RRN3: variants seen among roughly 807,000 people sequenced by gnomAD.
The protein encoded by RRN3 is RNA polymerase I transcription factor RRN3.
RRN3 carries 38 observed loss-of-function variants against 82.3 expected under a neutral mutation model. The ratio of observed to expected loss-of-function variants is 0.46; its 90% CI spans 0.36 to 0.61. The LOEUF (loss-of-function observed/expected upper bound fraction) is 0.61, where lower values mean the gene tolerates loss of function less well. RRN3 is among the 20% of genes least tolerant of loss of function. The pLI is 0.00. For synonymous variants in RRN3, 284 were observed against 284.3 expected (o/e 1.00, Z 0.01); for missense variants, 726 against 793.1 (o/e 0.92, Z 1.02).
rs1438321715 is a variant in RRN3 at position 15,074,693 on chromosome 16, G to A, written c.997+30C>T. 5 of 1,577,912 alleles carry A rather than the reference G, an allele frequency of 3.2e-6. No individual in the cohort carries two copies. In the South Asian group the frequency reaches 5.7e-5, roughly 18 times the overall value. ...GCACAAAGCCAGGTACACTGCAGGT[G>A]TTCAATAAACAGTAGCTACTGTGAT... On this transcript the variant is annotated intron_variant, in intron 11 of 17. Transcript: ENST00000198767.
intron 17 of RRN3, among the ~76,000 whole-genome samples, chr16:15,062,721 T>A (rs1166949078): frequency 6.6e-6 from 1 of 152,250 alleles, no homozygotes; most frequent in East Asian, 1.9e-4. Context: ...TCAGCTAATT[T>A]GTAATTAACC....
Position 15,072,753 on chromosome 16 carries a change from G to A in RRN3, c.1128+197C>T, listed in dbSNP as rs534098683. 1.3e-4 allele frequency among the ~76,000 whole-genome samples: 20 copies of A among 152,270 alleles called. 1 individual carries two copies. In the South Asian group the frequency reaches 4.1e-3, roughly 32 times the overall value. The stretch of plus-strand genomic sequence containing the variant: ...GGAGGTTGCAGCAGTGGGCAGCAGA[G>A]CGAGACTGTGTCTCAAAAAAGAAAG... On this transcript the variant is annotated intron_variant, in intron 12 of 17. Transcript: ENST00000198767.
chr16:15,073,883 G>A (rs1402657025), intron 11 of RRN3, among the ~76,000 whole-genome samples: 2 of 152,006 alleles, frequency 1.3e-5, no homozygotes, highest in Non-Finnish European at 2.9e-5. Flanking sequence ...TGGCCTAAGT[G>A]CTGGGATTCA....
chr16:15,083,656 T>G (rs950969850), intron 7 of RRN3, 74 bp from the exon 8 acceptor site: 11 of 1,567,508 alleles, frequency 7.0e-6, no homozygotes, highest in Middle Eastern at 2.3e-4. Context: ...AAACTACCAT[T>G]CTAAAAGCAA....
Position 15,092,596 on chromosome 16 carries a change from T to C in RRN3, c.108A>G (p.Ala36=), listed in dbSNP as rs1247429990. The change falls in exon 2 of 18, where the codon GCA becomes GCG. Residue 36 remains alanine, a synonymous_variant. Transcript: ENST00000198767. ...GAGAATTGAAAAAGTCATTCTCTAATGCACGCATATTTGAAATCCTGTGGA... is the reference window on the plus strand; with the variant it reads ...GAGAATTGAAAAAGTCATTCTCTAACGCACGCATATTTGAAATCCTGTGGA... ...ASRTGISNMR[A]LENDFFNSPP... is the part of the protein sequence containing the mutation. The C allele has an allele frequency of 1.6e-5, 25 of 1,610,620 alleles. No homozygotes were observed. The highest frequency in any genetic ancestry group is 2.0e-5 in the Non-Finnish European group (24 of 1,177,130).
chr16:15,076,849 C>A (rs2045477971), intron 9 of RRN3, among the ~76,000 whole-genome samples, 199 bp from the exon 10 acceptor site: 1 of 152,104 alleles, frequency 6.6e-6, no homozygotes, highest in African/African-American at 2.4e-5. Flanking sequence ...TATAATAAAC[C>A]AAGCCCCTTT....
intron 5 of RRN3, 144 bp from the exon 6 acceptor site, chr16:15,085,842 A>T (rs2045896890): frequency 7.8e-7 from 1 of 1,285,874 alleles, no homozygotes; most frequent in African/African-American, 1.5e-5. Flanking sequence ...ATGATTAATT[A>T]AACGCACAAT....
Position 15,065,200 on chromosome 16 carries a change from AAT to A in RRN3, c.1706+17_1706+18del. 1 of 1,575,556 alleles carries A rather than the reference AAT, an allele frequency of 6.3e-7. No homozygotes were observed. Among genetic ancestry groups the A allele is most frequent in the Non-Finnish European group, 8.6e-7 (1 of 1,164,752 alleles). On this transcript the variant is annotated intron_variant, in intron 16 of 17. Coordinates refer to ENST00000198767, the MANE Select transcript of RRN3 (RefSeq NM_018427.5). ...AAAAAAATCCACCTCCTCCAGCGTC[AAT>A]GTTTAAAAGTACCTACCTCTTCAGC... is the stretch of plus-strand genomic sequence containing the variant.
chr16:15,094,170 T>C lies in RRN3; in HGVS notation c.64A>G (p.Lys22Glu). The C allele has an allele frequency of 1.9e-6, 3 of 1,602,468 alleles. No individual in the cohort carries two copies. The highest frequency in any genetic ancestry group is 2.6e-6 in the Non-Finnish European group (3 of 1,174,826). The change falls in exon 1 of 18, where the codon AAG (lysine) becomes GAG (glutamate). Residue 22 changes from lysine (K) to glutamate (E), a missense_variant. Lys to Glu is a moderately conservative substitution (Grantham distance 56, BLOSUM62 1). Coordinates refer to ENST00000198767, the MANE Select transcript of RRN3 (RefSeq NM_018427.5). ...CCAGTCCTCGACGCGCCCAGCTTCT[T>C]AACTGCAGAGGACGAAGCGGCCGCA... ...GDAAASSSAVKKLGASRTGIS... is the reference protein window; with the variant it reads ...GDAAASSSAVEKLGASRTGIS...
chr16:15,077,413 T>G lies in RRN3; in HGVS notation c.766-763A>C, dbSNP rs971483150. ...GTGATAGTGAATAAGTCTCAAGAGA[T>G]CTGATGGTTTTATCAGGGGTTTCCA... On this transcript the variant is annotated intron_variant, in intron 9 of 17. Transcript: ENST00000198767. Among the ~76,000 whole-genome samples the G allele has an allele frequency of 1.6e-3, 246 of 152,218 alleles. 1 individual carries two copies. The highest frequency in any genetic ancestry group is 6.6e-4 in the Non-Finnish European group (45 of 67,984).
In RRN3 at chr16:15,060,757, G is replaced by C. The variant is rs2044680762; in HGVS notation, c.*987C>G. 1 of 152,266 alleles carries C rather than the reference G, an allele frequency of 6.6e-6. No homozygotes were observed. The highest frequency in any genetic ancestry group is 1.5e-5 in the Non-Finnish European group (1 of 68,068). The allele number at this position is 152,266 out of a possible 1,614,324, so 9.4% of individuals were successfully genotyped here. A position where few individuals can be genotyped will look rare whatever the true frequency, so the allele number is the denominator to read the frequency against. The stretch of plus-strand genomic sequence containing the variant: ...GCGATGCACACAGCCATCAGACCAA[G>C]ACTGCACTAGCAACTTCCACCTATT... On this transcript the variant is annotated 3_prime_UTR_variant, in exon 18 of 18. Coordinates refer to ENST00000198767, the MANE Select transcript of RRN3 (RefSeq NM_018427.5).
chr16:15,091,024 T>C (rs1470627304), intron 3 of RRN3, among the ~76,000 whole-genome samples: 1 of 152,150 alleles, frequency 6.6e-6, no homozygotes, highest in Non-Finnish European at 1.5e-5. Context: ...TGGATCACTC[T>C]TGGTTCTGGG....
chr16:15,078,765 G>A (rs2045568927), intron 9 of RRN3, among the ~76,000 whole-genome samples: 1 of 151,328 alleles, frequency 6.6e-6, no homozygotes, highest in Admixed American at 6.6e-5. Flanking sequence ...ACTGAACCTG[G>A]CCAAGATGGA....
chr16:15,083,698 C>T, intron 7 of RRN3, 116 bp from the exon 8 acceptor site: 15 of 1,435,128 alleles, frequency 1.0e-5, no homozygotes, highest in Non-Finnish European at 1.3e-5. Context: ...AAACAGGAAC[C>T]CCTACCTCAA....
chr16:15,073,538 C>A (rs193063991), intron 11 of RRN3, among the ~76,000 whole-genome samples: 2 of 152,190 alleles, frequency 1.3e-5, no homozygotes, highest in African/African-American at 4.8e-5. Context: ...AGATTTTCCT[C>A]TGAATATAAT....
chr16:15,069,595 C>G (rs2045135689), intron 14 of RRN3, among the ~76,000 whole-genome samples: 1 of 152,172 alleles, frequency 6.6e-6, no homozygotes, highest in African/African-American at 2.4e-5. Context: ...ACTTTAGGGT[C>G]AGCCAAACCT....
At chr16:15,069,532 C>T (rs2045132088) in intron 14 of RRN3, among the ~76,000 whole-genome samples, 1 of 152,160 alleles carries the variant, frequency 6.6e-6, no homozygotes. Flanking sequence ...CAAAACAATA[C>T]TGGTCAATTA....
intron 7 of RRN3, among the ~76,000 whole-genome samples, chr16:15,084,246 G>A (rs1382032714): frequency 6.6e-6 from 1 of 152,068 alleles, no homozygotes; most frequent in Non-Finnish European, 1.5e-5. Context: ...AACGGACAGA[G>A]GGAACTAGAG....
At chr16:15,063,899 C>T (rs1216428139) in intron 16 of RRN3, among the ~76,000 whole-genome samples, 1 of 151,992 alleles carries the variant, frequency 6.6e-6, no homozygotes, top group African/African-American at 2.4e-5. Flanking sequence ...CAGTTAGATA[C>T]AGTATATCCA....
Sources: gnomAD v4.1 joint callset for allele counts (sites outside exome capture counted in the v4.1 genomes callset) on GRCh38, gnomAD v4.1.1 for gene constraint, MANE v1.5 for transcripts, NCBI Gene and HGNC (gene_info 2026-07-23, HGNC 2026-07-21) for gene names.